The following CXADR variants were observed in gnomAD, a reference collection of about 807,000 sequenced individuals.
CXADR encodes the protein coxsackievirus and adenovirus receptor.
CXADR carries 20 observed loss-of-function variants against 40.3 expected under a neutral mutation model. The ratio of observed to expected loss-of-function variants is 0.50; its 90% CI spans 0.35 to 0.72. CXADR has a LOEUF of 0.72. CXADR is among the 30% of genes least tolerant of loss of function. CXADR has a pLI of 0.01. For synonymous variants in CXADR, 150 were observed against 161.3 expected, an observed-to-expected ratio of 0.93 and a Z score of 0.53; for missense variants, 332 against 449.1, an observed-to-expected ratio of 0.74 and a Z score of 2.36.
At chr21:17,612,890 G>GCGCACACGAGTGAGCGCAGC in the CXADR span, 1 of 151,958 alleles carries the variant, frequency 6.6e-6, no homozygotes, top group Non-Finnish European at 1.5e-5. Flanking sequence ...GCGGACGAGC[G>GCGCACACGAGTGAGCGCAGC]CGCACACGAG....
At chr21:17,513,773 C>G (rs1406812767) in intron 1 of CXADR, among the ~76,000 whole-genome samples, 1 of 152,154 alleles carries the variant, frequency 6.6e-6, no homozygotes, top group Non-Finnish European at 1.5e-5. Context: ...GCTAACCAGA[C>G]GCGCATTGTG....
At chr21:17,548,966 A>G (rs774519890) in intron 2 of CXADR, among the ~76,000 whole-genome samples, 41 of 152,218 alleles carry the variant, frequency 2.7e-4, no homozygotes, top group Non-Finnish European at 5.0e-4. Flanking sequence ...AATTTAAACT[A>G]CATATGTTAA....
downstream of CXADR, among the ~76,000 whole-genome samples, chr21:17,572,821 A>T (rs1462799392): frequency 6.6e-6 from 1 of 152,222 alleles, no homozygotes; most frequent in Non-Finnish European, 1.5e-5. Flanking sequence ...ATATCTTAGT[A>T]TCAGAATTTG....
At chr21:17,599,349 T>G in the CXADR span, among the ~76,000 whole-genome samples, 1 of 152,098 alleles carries the variant, frequency 6.6e-6, no homozygotes, top group East Asian at 1.9e-4. Flanking sequence ...CTCAGCTAAT[T>G]TATATACATT....
chr21:17,633,549 C>T, the CXADR span, among the ~76,000 whole-genome samples: 1 of 152,084 alleles, frequency 6.6e-6, no homozygotes. Context: ...AGCAAGACCC[C>T]TCAAAAAAAA....
chr21:17,565,241 A>G (rs562472424), intron 6 of CXADR, among the ~76,000 whole-genome samples, 187 bp from the exon 7 acceptor site: 87 of 152,284 alleles, frequency 5.7e-4, no homozygotes, highest in African/African-American at 1.9e-3. Flanking sequence ...GGAGACATAC[A>G]CAATTTATGA....
At chr21:17,514,766 TG>T (rs1420729726) in intron 1 of CXADR, among the ~76,000 whole-genome samples, 6 of 151,924 alleles carry the variant, frequency 3.9e-5, no homozygotes, top group African/African-American at 1.2e-4. Flanking sequence ...CCTGAGTAGC[TG>T]GGATTACAGG....
Position 17,547,160 on chromosome 21 carries a change from A to G in CXADR, c.177A>G (p.Ile59Met). The G allele has an allele frequency of 6.2e-7, 1 of 1,614,206 alleles. No individual in the cohort carries two copies. Among genetic ancestry groups the G allele is most frequent in the Non-Finnish European group, 8.5e-7 (1 of 1,180,034 alleles). ...GACCGCTGGACATCGAGTGGCTGAT[A>G]TCACCAGCTGATAATCAGAAGGTGG... ...DQGPLDIEWL[I>M]SPADNQKVDQ... Residue 59 changes from isoleucine to methionine, a missense_variant, in exon 2 of 7, where the codon ATA becomes ATG. Ile to Met is a conservative substitution (Grantham distance 10, BLOSUM62 1). This residue lies in a region of CXADR where 162 missense variants were observed against 198.5 expected (regional missense o/e 0.82). Coordinates refer to ENST00000284878, the MANE Select transcript of CXADR (RefSeq NM_001338.5).
the CXADR span, among the ~76,000 whole-genome samples, chr21:17,636,218 A>G: frequency 6.6e-6 from 1 of 152,220 alleles, no homozygotes; most frequent in Non-Finnish European, 1.5e-5. Flanking sequence ...ATAGATGACA[A>G]TATCGTCTGT....
chr21:17,527,901 C>G (rs1321409214), intron 1 of CXADR, among the ~76,000 whole-genome samples: 2 of 150,408 alleles, frequency 1.3e-5, no homozygotes, highest in Non-Finnish European at 3.0e-5. Context: ...AAATGCTCAG[C>G]TTCACATTCA....
rs1382201123 is a variant in CXADR at position 17,567,295 on chromosome 21, T to A, written c.*1603T>A. 7.1e-6 allele frequency: 7 copies of A among 985,268 alleles called. No individual in the cohort carries two copies. Among genetic ancestry groups the A allele is most frequent in the Non-Finnish European group, 6.0e-6 (5 of 829,868 alleles). 61.0% of individuals were successfully genotyped at this position (985,268 alleles called of 1,614,324 possible). On this transcript the variant is annotated 3_prime_UTR_variant, in exon 7 of 7. Coordinates refer to ENST00000284878, the MANE Select transcript of CXADR (RefSeq NM_001338.5). ...TGTGTACACTTTTTAATGGTAAACT[T>A]AAGCTGAATGTGTAATGGATTTGTG...
At chr21:17,605,214 A>C in the CXADR span, 18 of 467,868 alleles carry the variant, frequency 3.8e-5, no homozygotes, top group African/African-American at 3.6e-4. Flanking sequence ...AGCCCAAGGA[A>C]ATCACTAGTA....
intron 1 of CXADR, among the ~76,000 whole-genome samples, chr21:17,539,692 G>A (rs563610693): frequency 6.6e-6 from 1 of 152,160 alleles, no homozygotes; most frequent in African/African-American, 2.4e-5. Flanking sequence ...GTGCACTTCT[G>A]TATATTAATG....
At chr21:17,623,972 G>C in the CXADR span, among the ~76,000 whole-genome samples, 1 of 152,108 alleles carries the variant, frequency 6.6e-6, no homozygotes, top group Non-Finnish European at 1.5e-5. Context: ...TTGCATGAAT[G>C]ATGGCAACAT....
In CXADR at chr21:17,513,261, A is replaced by AG. The variant is rs1222998512; in HGVS notation, c.43+94dup. On this transcript the variant is annotated intron_variant, in intron 1 of 6. Coordinates refer to ENST00000284878, the MANE Select transcript of CXADR (RefSeq NM_001338.5). ...ACCCAGGAACAATGGGGCGTGGGGG[A>AG]GGGGGCGGGCGCGATTTGGGGGCGC... 4.1e-5 allele frequency: 48 copies of AG among 1,181,190 alleles called. No individual in the cohort carries two copies. In the African/African-American group the frequency reaches 6.7e-4, roughly 16 times the overall value. The allele number at this position is 1,181,190 out of a possible 1,614,324, so 73.2% of individuals were successfully genotyped here.
the CXADR span, among the ~76,000 whole-genome samples, chr21:17,630,976 T>C: frequency 3.3e-5 from 5 of 152,096 alleles, no homozygotes; most frequent in African/African-American, 1.2e-4. Flanking sequence ...GAAAGAGAGA[T>C]GACGCAGAGA....
Position 17,541,307 on chromosome 21 carries a change from C to T in CXADR, c.44-5720C>T, listed in dbSNP as rs182255355. Among the ~76,000 whole-genome samples, 43 of 152,200 alleles carry T rather than the reference C, an allele frequency of 2.8e-4. No individual in the cohort carries two copies. The East Asian group carries it at 3.7e-3, about 13-fold the overall frequency. On this transcript the variant is annotated intron_variant, in intron 1 of 6. Coordinates refer to ENST00000284878, the MANE Select transcript of CXADR (RefSeq NM_001338.5). Reference sequence around the variant, plus strand: ...GTGGCTCACGCCTGTAATCCCAGCACTTTGGGAGGCCGAGGCGGGCGGATC... The same window carrying T: ...GTGGCTCACGCCTGTAATCCCAGCATTTTGGGAGGCCGAGGCGGGCGGATC...
the CXADR span, among the ~76,000 whole-genome samples, chr21:17,621,927 G>T: frequency 6.6e-6 from 1 of 152,202 alleles, no homozygotes; most frequent in Admixed American, 6.5e-5. Flanking sequence ...AAAGTATAAA[G>T]ACAATAATGG....
intron 1 of CXADR, among the ~76,000 whole-genome samples, chr21:17,532,399 T>C (rs2060689868): frequency 1.3e-5 from 2 of 151,730 alleles, no homozygotes; most frequent in African/African-American, 2.4e-5. Flanking sequence ...CCACATATCA[T>C]ACACTGTCTA....
Sources: allele counts gnomAD v4.1 joint callset (sites outside exome capture counted in the v4.1 genomes callset), GRCh38; gene constraint gnomAD v4.1.1; regional missense constraint gnomAD v4.1.1; transcripts MANE v1.5; gene names NCBI Gene and HGNC (gene_info 2026-07-23, HGNC 2026-07-21).